AFF2: variants seen among roughly 807,000 people sequenced by gnomAD.
AFF2 encodes the protein AF4/FMR2 family member 2.
A neutral mutation model predicts 76.9 loss-of-function variants in AFF2; 14 were observed. The observed-to-expected ratio is 0.18, with a 90% CI of 0.12 to 0.28. The LOEUF (loss-of-function observed/expected upper bound fraction) is 0.28, where lower values mean the gene tolerates loss of function less well. Ranked by LOEUF, AFF2 falls within the 10% of genes least tolerant of loss-of-function variation. The pLI is 1.00. For missense variants in AFF2, 868 were observed against 1,001.1 expected, an observed-to-expected ratio of 0.87 and a Z score of 1.79; for synonymous variants, 398 against 366.7, an observed-to-expected ratio of 1.09 and a Z score of -0.98.
rs1312533693 is a variant in AFF2 at position 148,882,545 on chromosome X, G to GT, written c.1263-3336dup. On this transcript the variant is annotated intron_variant, in intron 7 of 20. Transcript: ENST00000370460. ...ATTGAAAAGTTGAAGAACAATGTCT[G>GT]TTTTTTTTAAGATCACACACACAGG... is the stretch of plus-strand genomic sequence containing the variant. 8.1e-5 allele frequency among the ~76,000 whole-genome samples: 9 copies of GT among 111,018 alleles called. No individual in the cohort carries two copies. In the East Asian group the frequency reaches 8.6e-4, roughly 11 times the overall value.
chrX:148,817,892 T>C (rs782074116), intron 4 of AFF2, among the ~76,000 whole-genome samples: 2 of 111,839 alleles, frequency 1.8e-5, no homozygotes, highest in South Asian at 7.4e-4. Context: ...TTCATTTAGA[T>C]GATAAAAGAC....
rs782022996 is a variant in AFF2 at position 148,864,154 on chromosome X, C to T, written c.1262+20721C>T. ...TTAACTCAAAGAGAAGTGGCATAAT[C>T]GTTGAATTTGACTCTGCCAGTTGAC... On this transcript the variant is annotated intron_variant, in intron 7 of 20. Transcript: ENST00000370460. Among the ~76,000 whole-genome samples, 4 of 111,706 alleles carry T rather than the reference C, an allele frequency of 3.6e-5. No homozygotes were observed. The South Asian group carries it at 1.5e-3, about 43-fold the overall frequency.
intron 19 of AFF2, among the ~76,000 whole-genome samples, chrX:148,983,953 C>CAGAAAAAAAAAAAAAAAAAAAAAAAAAAA (rs2072427538): frequency 3.4e-5 from 1 of 29,124 alleles, no homozygotes; most frequent in Admixed American, 7.7e-4. Flanking sequence ...GTGAAATAGA[C>CAGAAAAAAAAAAAAAAAAAAAAAAAAAAA]AAAAAAAAAA....
chrX:148,600,740 C>T lies in AFF2; in HGVS notation c.48-51259C>T, dbSNP rs183409278. ...TTCAACTACTGTTCTTAGGAGTTCA[C>T]CTCCTTCCATCTCCAGATGCCTGCC... is the stretch of plus-strand genomic sequence containing the variant. On this transcript the variant is annotated intron_variant, in intron 1 of 20. Coordinates refer to ENST00000370460, the MANE Select transcript of AFF2 (RefSeq NM_002025.4). 1.1e-4 allele frequency among the ~76,000 whole-genome samples: 12 copies of T among 112,285 alleles called. No homozygotes were observed. The East Asian group carries it at 3.4e-3, about 32-fold the overall frequency.
intron 3 of AFF2, among the ~76,000 whole-genome samples, chrX:148,678,440 T>C (rs918473818): frequency 8.9e-6 from 1 of 112,335 alleles, no homozygotes; most frequent in African/African-American, 3.2e-5. Context: ...AGTAAGACTG[T>C]AGAGGTGATA....
chrX:148,540,954 C>T (rs781990567), intron 1 of AFF2, among the ~76,000 whole-genome samples: 4 of 111,597 alleles, frequency 3.6e-5, no homozygotes, highest in South Asian at 3.8e-4. Context: ...AGCCAAGACG[C>T]GAGAAAAAAT....
At chrX:148,927,629 C>T (rs1414717248) in intron 9 of AFF2, among the ~76,000 whole-genome samples, 3 of 111,224 alleles carry the variant, frequency 2.7e-5, no homozygotes, top group African/African-American at 6.5e-5. Flanking sequence ...CTCTTGTGCT[C>T]GATTATTATT....
chrX:148,565,541 G>A (rs1042043116), intron 1 of AFF2, among the ~76,000 whole-genome samples: 1 of 111,284 alleles, frequency 9.0e-6, no homozygotes, highest in African/African-American at 3.3e-5. Flanking sequence ...CCATTTTTAA[G>A]TTAATAATGA....
At chrX:148,886,950 A>G (rs1404190257) in intron 8 of AFF2, among the ~76,000 whole-genome samples, 2 of 112,674 alleles carry the variant, frequency 1.8e-5, no homozygotes, top group African/African-American at 6.4e-5. Flanking sequence ...AGGAAAAATT[A>G]TCAAGGCTCA....
chrX:148,964,599 G>C (rs2072149747), intron 13 of AFF2, among the ~76,000 whole-genome samples: 1 of 111,816 alleles, frequency 8.9e-6, no homozygotes, highest in Non-Finnish European at 1.9e-5. Context: ...TAAATTCATA[G>C]AGACAGACAG....
At chrX:148,641,540 G>T (rs1291374194) in intron 1 of AFF2, among the ~76,000 whole-genome samples, 1 of 111,692 alleles carries the variant, frequency 9.0e-6, no homozygotes, top group Non-Finnish European at 1.9e-5. Flanking sequence ...AGGTCTAGAT[G>T]ATCTGCACAC....
intron 9 of AFF2, among the ~76,000 whole-genome samples, chrX:148,919,711 T>C (rs1013130542): frequency 9.0e-6 from 1 of 111,281 alleles, no homozygotes; most frequent in Non-Finnish European, 1.9e-5. Context: ...ATTTGGTTAA[T>C]AGAGCTACCA....
intron 3 of AFF2, among the ~76,000 whole-genome samples, chrX:148,673,259 C>T (rs1227089186): frequency 8.9e-6 from 1 of 112,358 alleles, no homozygotes; most frequent in Middle Eastern, 4.2e-3. Flanking sequence ...GTAGCTGCAA[C>T]AGAATATCAC....
At chrX:148,503,739 A>C (rs1365073267) in intron 1 of AFF2, among the ~76,000 whole-genome samples, 2 of 112,553 alleles carry the variant, frequency 1.8e-5, no homozygotes, top group Non-Finnish European at 3.7e-5. Context: ...GCAAATGGAA[A>C]GGATGGGGTA....
At chrX:148,600,445 T>C (rs1370371904) in intron 1 of AFF2, among the ~76,000 whole-genome samples, 1 of 111,811 alleles carries the variant, frequency 8.9e-6, no homozygotes, top group Non-Finnish European at 1.9e-5. Flanking sequence ...TCTCTACAAA[T>C]GTCATTTAAA....
At chrX:148,793,080 A>G (rs1267644347) in intron 3 of AFF2, among the ~76,000 whole-genome samples, 1 of 111,932 alleles carries the variant, frequency 8.9e-6, no homozygotes, top group Non-Finnish European at 1.9e-5. Flanking sequence ...TGCTAGCATT[A>G]TATTTTCTCA....
At chrX:148,544,998 A>G (rs907387988) in intron 1 of AFF2, among the ~76,000 whole-genome samples, 6 of 112,611 alleles carry the variant, frequency 5.3e-5, no homozygotes, top group African/African-American at 1.9e-4. Flanking sequence ...TCTTCTGTGA[A>G]GAATCCCTTC....
chrX:148,914,073 C>T (rs1885853114), intron 9 of AFF2, among the ~76,000 whole-genome samples: 1 of 111,254 alleles, frequency 9.0e-6, no homozygotes, highest in African/African-American at 3.3e-5. Flanking sequence ...CAGAATAGGT[C>T]GTTTGTATGA....
At chrX:148,915,488 G>T (rs782483017) in intron 9 of AFF2, among the ~76,000 whole-genome samples, 1 of 112,240 alleles carries the variant, frequency 8.9e-6, no homozygotes, top group Non-Finnish European at 1.9e-5. Flanking sequence ...TGGGTCCCAC[G>T]TACTTGGGGA....
Sources: allele counts gnomAD v4.1 joint callset (sites outside exome capture counted in the v4.1 genomes callset), GRCh38; gene constraint gnomAD v4.1.1; transcripts MANE v1.5; gene names NCBI Gene and HGNC (gene_info 2026-07-23, HGNC 2026-07-21).